The following HHLA2 variants were observed in gnomAD, a reference collection of about 807,000 sequenced individuals.
HHLA2 encodes the protein HHLA2 member of B7 family, also known as HERV-H LTR-associating protein 2.
HHLA2 carries 48 observed loss-of-function variants against 45.9 expected under a neutral mutation model. The ratio of observed to expected loss-of-function variants is 1.05; its 90% CI spans 0.83 to 1.33. HHLA2 has a LOEUF of 1.33. Ranked by LOEUF, HHLA2 falls within the 40% of genes most tolerant of loss-of-function variation. The probability of loss-of-function intolerance (pLI) is 0.00; values close to 1 mark genes in which losing one functional copy is unlikely to be tolerated. For missense variants in HHLA2, 462 were observed against 494.3 expected, an observed-to-expected ratio of 0.93 and a Z score of 0.62; for synonymous variants, 161 against 173.9, an observed-to-expected ratio of 0.93 and a Z score of 0.59.
exon 6 of HHLA2, chr3:108,355,221 C>A (rs2107463669): frequency 1.9e-6 from 3 of 1,613,860 alleles, no homozygotes; most frequent in East Asian, 2.2e-5. Context: ...GGAAAATGGA[C>A]AACACACCTA....
intron 6 of HHLA2, among the ~76,000 whole-genome samples, chr3:108,355,959 T>A (rs139482296): frequency 1.6e-3 from 237 of 152,158 alleles, no homozygotes; most frequent in Admixed American, 4.0e-3. Flanking sequence ...GATCAATCTC[T>A]ATATCCAAAA....
At chr3:108,329,915 G>A (rs1203211864) in intron 3 of HHLA2, among the ~76,000 whole-genome samples, 1 of 152,158 alleles carries the variant, frequency 6.6e-6, no homozygotes, top group Non-Finnish European at 1.5e-5. Context: ...AGGAATCTGG[G>A]AGCAGCTTAG....
chr3:108,363,441 ATC>A (rs2082012865), intron 8 of HHLA2, among the ~76,000 whole-genome samples: 1 of 152,158 alleles, frequency 6.6e-6, no homozygotes, highest in Non-Finnish European at 1.5e-5. Context: ...TGTCTCTTTT[ATC>A]TGTCCTTCTG....
At chr3:108,328,302 T>C (rs2081324352) in exon 3 of HHLA2, 1 of 1,529,304 alleles carries the variant, frequency 6.5e-7, no homozygotes, top group Non-Finnish European at 8.7e-7. Flanking sequence ...GCACAGATTG[T>C]GATGGTGATG....
At chr3:108,338,532 C>A (rs568930505) in intron 3 of HHLA2, among the ~76,000 whole-genome samples, 1 of 152,140 alleles carries the variant, frequency 6.6e-6, no homozygotes, top group African/African-American at 2.4e-5. Flanking sequence ...CCTTCCTGTT[C>A]GCTTCTCATC....
chr3:108,352,600 T>A (rs1014299169), intron 4 of HHLA2, among the ~76,000 whole-genome samples: 10 of 152,236 alleles, frequency 6.6e-5, no homozygotes, highest in African/African-American at 2.2e-4. Flanking sequence ...ATTTTGTAAA[T>A]CAAAGCAGTT....
intron 3 of HHLA2, among the ~76,000 whole-genome samples, chr3:108,350,373 C>G (rs749188774): frequency 2.6e-5 from 4 of 151,996 alleles, no homozygotes; most frequent in Admixed American, 1.3e-4. Flanking sequence ...TGTTAAAAGG[C>G]CTTCTTCCTA....
chr3:108,344,081 A>G (rs141413814), intron 3 of HHLA2, among the ~76,000 whole-genome samples: 1 of 152,318 alleles, frequency 6.6e-6, no homozygotes, highest in East Asian at 1.9e-4. Context: ...AGAAAAAGTT[A>G]TTCAAATTAT....
chr3:108,366,791 G>T (rs1560273308), intron 8 of HHLA2, among the ~76,000 whole-genome samples: 1 of 152,204 alleles, frequency 6.6e-6, no homozygotes, highest in African/African-American at 2.4e-5. Flanking sequence ...ATAGTAGCTT[G>T]TATTTCTGTG....
At chr3:108,346,393 G>T (rs2081661417) in intron 3 of HHLA2, among the ~76,000 whole-genome samples, 1 of 152,158 alleles carries the variant, frequency 6.6e-6, no homozygotes. Context: ...ATGCTACAAA[G>T]AGTTTTCCTT....
At chr3:108,297,618 A>G (rs2080781878) in intron 1 of HHLA2, among the ~76,000 whole-genome samples, 1 of 152,224 alleles carries the variant, frequency 6.6e-6, no homozygotes, top group Non-Finnish European at 1.5e-5. Flanking sequence ...ATTTCAGAAT[A>G]TAGATGTAAA....
At chr3:108,310,856 T>G (rs961395546) in intron 2 of HHLA2, 115 bp downstream of exon 2, 1 of 152,590 alleles carries the variant, frequency 6.6e-6, no homozygotes, top group Non-Finnish European at 1.5e-5. Context: ...CAAATGAAGT[T>G]TTGGCAAATG....
At chr3:108,369,712 T>C (rs2082133222) in intron 8 of HHLA2, among the ~76,000 whole-genome samples, 1 of 152,070 alleles carries the variant, frequency 6.6e-6, no homozygotes, top group Admixed American at 6.6e-5. Context: ...GTCTCGCTCA[T>C]TGCTAGCACA....
rs148887579 is a variant in HHLA2, at chr3:108,306,925, G to A, written c.-191-3730G>A. ...GGCTGGAGTGCAATGGCACGATCTC[G>A]GCTCACTGTAACCTCCACCTCCCAG... On this transcript the variant is annotated intron_variant, in intron 1 of 10. Transcript: ENST00000619531. Among the ~76,000 whole-genome samples the A allele has an allele frequency of 8.1e-3, 1,229 of 151,800 alleles. 12 individuals are homozygous for A. Among genetic ancestry groups the A allele is most frequent in the African/African-American group, 0.028 (1,169 of 41,374 alleles).
intron 3 of HHLA2, among the ~76,000 whole-genome samples, chr3:108,329,749 C>T (rs763047667): frequency 6.6e-6 from 1 of 152,080 alleles, no homozygotes; most frequent in Admixed American, 6.6e-5. Context: ...GTGCTTCTCC[C>T]GTATTGCTAT....
chr3:108,335,248 C>A (rs927882612), intron 3 of HHLA2, among the ~76,000 whole-genome samples: 3 of 152,160 alleles, frequency 2.0e-5, no homozygotes, highest in Non-Finnish European at 4.4e-5. Context: ...CATCAAACCC[C>A]TAAAGAATAA....
chr3:108,328,058 G>A (rs1021594308), intron 2 of HHLA2, among the ~76,000 whole-genome samples: 16 of 152,054 alleles, frequency 1.1e-4, no homozygotes, highest in Non-Finnish European at 1.8e-4. Context: ...ACTTGAACCC[G>A]GGAGGCGGAG....
chr3:108,328,977 G>A (rs988491839), intron 3 of HHLA2, among the ~76,000 whole-genome samples: 2 of 152,170 alleles, frequency 1.3e-5, no homozygotes, highest in Non-Finnish European at 2.9e-5. Flanking sequence ...CTGGATTCAT[G>A]CGTGGGATTT....
At chr3:108,375,880 C>T in intron 9 of HHLA2, 80 bp downstream of exon 8, 3 of 1,527,764 alleles carry the variant, frequency 2.0e-6, no homozygotes, top group African/African-American at 1.4e-5. Flanking sequence ...AACTCTGTCA[C>T]AGTATTGGCC....
Sources: allele counts gnomAD v4.1 joint callset (sites outside exome capture counted in the v4.1 genomes callset), GRCh38; gene constraint gnomAD v4.1.1; transcripts MANE v1.5; gene names NCBI Gene and HGNC (gene_info 2026-07-23, HGNC 2026-07-21).